Variants in SIMC1 observed in about 807,000 individuals in gnomAD.
The protein encoded by SIMC1 is SUMO interacting motifs containing 1.
Under a neutral mutation model 82.3 loss-of-function variants are expected in SIMC1, and 55 were observed. The observed-to-expected ratio is 0.67, with a 90% CI of 0.54 to 0.84. The LOEUF (loss-of-function observed/expected upper bound fraction) is 0.84, where lower values mean the gene tolerates loss of function less well. SIMC1 is among the 40% of genes least tolerant of loss of function. The probability of loss-of-function intolerance (pLI) is 0.00; values close to 1 mark genes in which losing one functional copy is unlikely to be tolerated. For missense variants in SIMC1, 915 were observed against 1,107.2 expected (o/e 0.83, Z 2.46); for synonymous variants, 353 against 426.3 (o/e 0.83, Z 2.12).
At chr5:176,344,986 T>A (rs1191761299) in intron 9 of SIMC1, among the ~76,000 whole-genome samples, 197 bp from the exon 10 acceptor site, 1 of 152,106 alleles carries the variant, frequency 6.6e-6, no homozygotes, top group African/African-American at 2.4e-5. Flanking sequence ...ATGTAAAACT[T>A]CTTAAGGACC....
At position 176,308,861 on chromosome 5, in the gene SIMC1, G is replaced by A. The variant is rs970959519; in HGVS notation, c.1735-4830G>A. On this transcript the variant is annotated intron_variant, in intron 4 of 9. Coordinates refer to ENST00000429602, the MANE Select transcript of SIMC1 (RefSeq NM_001308195.2). ...CATAACCAAGATCCATAATGGCTCAGTGTTTACCAAGAATCTGTGCAGTCA... is the reference window on the plus strand; with the variant it reads ...CATAACCAAGATCCATAATGGCTCAATGTTTACCAAGAATCTGTGCAGTCA... 8 of 1,299,840 alleles carry A rather than the reference G, an allele frequency of 6.2e-6. No homozygotes were observed. The Admixed American group carries it at 6.7e-5, about 11-fold the overall frequency. The allele number at this position is 1,299,840 out of a possible 1,614,324, so 80.5% of individuals were successfully genotyped here.
rs1581270930 is a variant in SIMC1 at position 176,297,606 on chromosome 5, G to A, written c.1734+1286G>A. Among the ~76,000 whole-genome samples the A allele has an allele frequency of 2.7e-5, 4 of 150,542 alleles. No homozygotes were observed. The South Asian group carries it at 8.4e-4, about 32-fold the overall frequency. On this transcript the variant is annotated intron_variant, in intron 4 of 9. Transcript: ENST00000429602. The stretch of plus-strand genomic sequence containing the variant: ...ACAGGAAGAAGGTCTTCCACATTCT[G>A]ACCTTTAAGGATCCCCAAGTTTAAT...
chr5:176,305,728 G>A (rs1326070005), intron 4 of SIMC1, among the ~76,000 whole-genome samples: 1 of 76,220 alleles, frequency 1.3e-5, no homozygotes, highest in African/African-American at 5.4e-5. Context: ...CCCCCCGCCC[G>A]GCCAGCCGCC....
intron 9 of SIMC1, 76 bp from the exon 10 acceptor site, chr5:176,345,107 C>T (rs1581345444): frequency 6.5e-7 from 1 of 1,532,702 alleles, no homozygotes; most frequent in Non-Finnish European, 8.8e-7. Context: ...CAAGACTCTA[C>T]CTACCAAAAT....
chr5:176,248,589 AC>A (rs1377643855), intron 1 of SIMC1, among the ~76,000 whole-genome samples: 2 of 152,034 alleles, frequency 1.3e-5, no homozygotes, highest in South Asian at 2.1e-4. Context: ...CTATTTGAAT[AC>A]CCTTTATTTC....
intron 9 of SIMC1, among the ~76,000 whole-genome samples, chr5:176,341,702 A>G (rs1323087636): frequency 1.3e-5 from 2 of 152,188 alleles, no homozygotes; most frequent in African/African-American, 4.8e-5. Context: ...AGATCTGCAA[A>G]GAAGATGAAG....
intron 1 of SIMC1, among the ~76,000 whole-genome samples, chr5:176,272,172 CAAAAAAAAA>C (rs1162307977): frequency 2.9e-3 from 58 of 19,970 alleles, no homozygotes; most frequent in Admixed American, 4.5e-3. Flanking sequence ...CCCATCTCTA[CAAAAAAAAA>C]AAAAAAAAAA....
intron 3 of SIMC1, among the ~76,000 whole-genome samples, chr5:176,295,639 G>A (rs1332095802): frequency 2.0e-5 from 3 of 150,548 alleles, no homozygotes; most frequent in Non-Finnish European, 4.4e-5. Flanking sequence ...TTTTGGGGCC[G>A]CATGTGGTAG....
chr5:176,334,811 T>C (rs2113404391), intron 7 of SIMC1, among the ~76,000 whole-genome samples: 1 of 152,246 alleles, frequency 6.6e-6, no homozygotes, highest in South Asian at 2.1e-4. Context: ...ATCACAGTCC[T>C]GCAGGGCACA....
At chr5:176,251,991 A>G (rs1761673268) in intron 1 of SIMC1, among the ~76,000 whole-genome samples, 1 of 151,570 alleles carries the variant, frequency 6.6e-6, no homozygotes, top group African/African-American at 2.4e-5. Context: ...CTTTCTACAC[A>G]GACACGGCAA....
intron 1 of SIMC1, among the ~76,000 whole-genome samples, chr5:176,280,503 G>A (rs1762943015): frequency 3.3e-5 from 5 of 151,670 alleles, no homozygotes; most frequent in Admixed American, 1.3e-4. Context: ...TATTTTGCTC[G>A]TTAGTTGATG....
In SIMC1 at chr5:176,322,257, C is replaced by CT. The variant is rs769576872; in HGVS notation, c.1890-10dup. 12 of 1,531,726 alleles carry CT rather than the reference C, an allele frequency of 7.8e-6. No homozygotes were observed. Among genetic ancestry groups the CT allele is most frequent in the East Asian group, 2.4e-5 (1 of 40,880 alleles). The allele number at this position is 1,531,726 out of a possible 1,614,324, so 94.9% of individuals were successfully genotyped here. On this transcript the variant is annotated splice_polypyrimidine_tract_variant and intron_variant, in intron 5 of 9. Coordinates refer to ENST00000429602, the MANE Select transcript of SIMC1 (RefSeq NM_001308195.2). ...AAAAGAAAGAATAAACCTTTTCTTT[C>CT]TTTTTTCCATTACAGGGATGTTATC...
chr5:176,305,078 C>G (rs1228544317), intron 4 of SIMC1, among the ~76,000 whole-genome samples: 1 of 140,888 alleles, frequency 7.1e-6, no homozygotes, highest in Admixed American at 7.1e-5. Context: ...GGCAGCCACC[C>G]CGTCCGGGAG....
chr5:176,259,905 A>G, intron 1 of SIMC1, among the ~76,000 whole-genome samples: 1 of 151,800 alleles, frequency 6.6e-6, no homozygotes. Flanking sequence ...TGTGTGCACA[A>G]ACATATTTAA....
At chr5:176,263,213 G>A (rs1561677212) in intron 1 of SIMC1, among the ~76,000 whole-genome samples, 1 of 152,194 alleles carries the variant, frequency 6.6e-6, no homozygotes, top group East Asian at 1.9e-4. Context: ...AATTCTTCCT[G>A]ACTTAATTGG....
Position 176,290,906 on chromosome 5 carries a change from T to C in SIMC1, c.1382T>C (p.Val461Ala). The C allele has an allele frequency of 6.2e-7, 1 of 1,610,608 alleles. No individual in the cohort carries two copies. The highest frequency in any genetic ancestry group is 8.5e-7 in the Non-Finnish European group (1 of 1,177,820). ...CTGAAGTACTTCTTACGTCCTCCGG[T>C]TCATCACCTCTTCTTTCAGACGCTA... The part of the protein sequence containing the change: ...HRLKYFLRPP[V>A]HHLFFQTLIP... The change falls in exon 2 of 10, where the codon GTT (valine) becomes GCT (alanine). Residue 461 changes from valine (V) to alanine (A), a missense_variant. Coordinates refer to ENST00000429602, the MANE Select transcript of SIMC1 (RefSeq NM_001308195.2).
At chr5:176,326,671 TCTC>T (rs565982003) in intron 7 of SIMC1, among the ~76,000 whole-genome samples, 42 of 152,264 alleles carry the variant, frequency 2.8e-4, no homozygotes, top group African/African-American at 9.6e-4. Flanking sequence ...TTCAAGTGAT[TCTC>T]CTGCCTTAGC....
chr5:176,337,256 T>G, intron 9 of SIMC1, 110 bp downstream of exon 9: 1 of 930,204 alleles, frequency 1.1e-6, no homozygotes, highest in Non-Finnish European at 1.7e-6. Flanking sequence ...CTTGGTTGTA[T>G]GTAACTTATT....
chr5:176,241,595 G>T (rs1223082138), intron 1 of SIMC1, among the ~76,000 whole-genome samples: 1 of 151,856 alleles, frequency 6.6e-6, no homozygotes, highest in Non-Finnish European at 1.5e-5. Context: ...GGGGATTAGG[G>T]TTGCTAACCC....
Sources: allele counts gnomAD v4.1 joint callset (sites outside exome capture counted in the v4.1 genomes callset), GRCh38; gene constraint gnomAD v4.1.1; transcripts MANE v1.5; gene names NCBI Gene and HGNC (gene_info 2026-07-23, HGNC 2026-07-21).